Variants in SLCO1B1 observed in about 807,000 individuals in gnomAD.
SLCO1B1 encodes OATP-2.
In SLCO1B1, 81 loss-of-function variants were observed where a neutral mutation model predicts 70.1. The ratio of observed to expected loss-of-function variants is 1.16; its 90% CI spans 0.97 to 1.39. The LOEUF (loss-of-function observed/expected upper bound fraction) is 1.39, where lower values mean the gene tolerates loss of function less well. Ranked by LOEUF, SLCO1B1 falls within the 40% of genes most tolerant of loss-of-function variation. The pLI is 0.00. For missense variants in SLCO1B1, 895 were observed against 799.6 expected (o/e 1.12, Z -1.44); for synonymous variants, 283 against 271.5 (o/e 1.04, Z -0.42).
At chr12:21,217,054 A>T (rs1475726165) in intron 11 of SLCO1B1, 65 bp from the exon 12 acceptor site, 2 of 1,165,130 alleles carry the variant, frequency 1.7e-6, no homozygotes, top group South Asian at 1.2e-5. Context: ...ATATAATGCA[A>T]TGTATTTGCA....
chr12:21,198,568 C>A (rs1302245623), intron 8 of SLCO1B1, among the ~76,000 whole-genome samples: 1 of 151,996 alleles, frequency 6.6e-6, no homozygotes, highest in Non-Finnish European at 1.5e-5. Context: ...CTATTATGAA[C>A]AGTTTTTGTA....
rs9669760 is a variant in SLCO1B1, at chr12:21,214,318, G to A, written c.1498-2801G>A. ...AGCTGCAGGTCTGTTGGAATACCCT[G>A]CCGTGTGAGGTGTCAGTGTGCCCCT... On this transcript the variant is annotated intron_variant, in intron 11 of 14. Coordinates refer to ENST00000256958, the MANE Select transcript of SLCO1B1 (RefSeq NM_006446.5). Among the ~76,000 whole-genome samples the A allele has an allele frequency of 4.4e-3, 660 of 148,886 alleles. 3 individuals carry two copies. Among genetic ancestry groups the A allele is most frequent in the African/African-American group, 0.016 (617 of 38,450 alleles).
chr12:21,150,650 C>T (rs1041823326), intron 2 of SLCO1B1, among the ~76,000 whole-genome samples: 1 of 152,122 alleles, frequency 6.6e-6, no homozygotes, highest in Non-Finnish European at 1.5e-5. Context: ...ATAGCATCAA[C>T]ATCAACAAAA....
chr12:21,138,595 T>G (rs1452436679), intron 1 of SLCO1B1, among the ~76,000 whole-genome samples: 1 of 152,126 alleles, frequency 6.6e-6, no homozygotes, highest in Non-Finnish European at 1.5e-5. Context: ...ATATTTTATC[T>G]GAAGATCTAG....
chr12:21,217,568 G>A (rs973624735), intron 12 of SLCO1B1, among the ~76,000 whole-genome samples: 1 of 152,184 alleles, frequency 6.6e-6, no homozygotes, highest in South Asian at 2.1e-4. Context: ...AATTCTCTCA[G>A]TTGTAAAAGA....
chr12:21,148,767 A>G (rs1940425334), intron 2 of SLCO1B1, among the ~76,000 whole-genome samples: 1 of 149,608 alleles, frequency 6.7e-6, no homozygotes, highest in Admixed American at 6.7e-5. Flanking sequence ...ATGAAAGTCA[A>G]TGGTAGCTTG....
Position 21,202,625 on chromosome 12 carries a change from T to G in SLCO1B1, c.1270T>G (p.Leu424Val), listed in dbSNP as rs1941171614. ...TAVMSLSFYL[L>V]YFFILCENKS... ...TGTGATGTCATTGTCCTTTTACCTA[T>G]TATATTTTTTCATACTCTGTGAAAA... The change falls in exon 10 of 15, where the codon TTA becomes GTA. Residue 424 changes from leucine to valine, a missense_variant. Physicochemically the swap from Leu to Val is conservative, Grantham distance 32. Transcript: ENST00000256958. 2 of 1,613,036 alleles carry G rather than the reference T, an allele frequency of 1.2e-6. No individual in the cohort carries two copies. Among genetic ancestry groups the G allele is most frequent in the African/African-American group, 2.7e-5 (2 of 75,010 alleles).
chr12:21,142,264 A>G (rs917734866), intron 2 of SLCO1B1, among the ~76,000 whole-genome samples: 2 of 151,970 alleles, frequency 1.3e-5, no homozygotes, highest in African/African-American at 4.8e-5. Context: ...ACTGTATTAA[A>G]TGATACAGTT....
At position 21,239,272 on chromosome 12, in the gene SLCO1B1, C is replaced by T; in HGVS notation, c.*83C>T. 2 of 959,176 alleles carry T rather than the reference C, an allele frequency of 2.1e-6. No individual in the cohort carries two copies. Among genetic ancestry groups the T allele is most frequent in the Admixed American group, 3.4e-5 (2 of 58,042 alleles). The allele number at this position is 959,176 out of a possible 1,614,324, so 59.4% of individuals were successfully genotyped here. A position where few individuals can be genotyped will look rare whatever the true frequency, so the allele number is the denominator to read the frequency against. On this transcript the variant is annotated 3_prime_UTR_variant, in exon 15 of 15. Transcript: ENST00000256958. ...GTAAGATGTTATTTTTGAGGAGTTC[C>T]TGGTCCTTTCACTAAGAATTTCCAC...
At chr12:21,187,678 A>AC (rs397783906) in intron 7 of SLCO1B1, among the ~76,000 whole-genome samples, 4 of 151,216 alleles carry the variant, frequency 2.6e-5, no homozygotes, top group African/African-American at 7.3e-5. Flanking sequence ...GAAAAAAAAA[A>AC]GTGAAAGTCA....
intron 2 of SLCO1B1, among the ~76,000 whole-genome samples, chr12:21,152,256 C>T (rs1940480486): frequency 6.6e-6 from 1 of 151,958 alleles, no homozygotes; most frequent in African/African-American, 2.4e-5. Context: ...TGTCTGCTTA[C>T]ATTGCTCTGT....
At chr12:21,231,937 T>C (rs1270141392) in intron 14 of SLCO1B1, among the ~76,000 whole-genome samples, 2 of 152,124 alleles carry the variant, frequency 1.3e-5, no homozygotes, top group African/African-American at 2.4e-5. Context: ...TCTTTAGAAA[T>C]AGTAATCTCC....
chr12:21,224,798 C>CATG lies in SLCO1B1; in HGVS notation c.1825_1826insTGA (p.Gly608_Thr609insMet). 1.2e-6 allele frequency: 2 copies of CATG among 1,610,254 alleles called. No homozygotes were observed. Among genetic ancestry groups the CATG allele is most frequent in the Non-Finnish European group, 1.7e-6 (2 of 1,177,402 alleles). On this transcript the variant is annotated inframe_insertion, in exon 14 of 15. Transcript: ENST00000256958. ...TAAAGTGGTCCACCAACAACTGTGG[C>CATG]ACACGTGGGTCATGTAGGACATATA...
chr12:21,143,159 T>C (rs932929147), intron 2 of SLCO1B1, among the ~76,000 whole-genome samples: 2 of 152,112 alleles, frequency 1.3e-5, no homozygotes, highest in Non-Finnish European at 2.9e-5. Flanking sequence ...TAGTTGAGGT[T>C]TGTTGCATTT....
At chr12:21,179,819 C>T (rs1233899736) in intron 7 of SLCO1B1, among the ~76,000 whole-genome samples, 2 of 152,210 alleles carry the variant, frequency 1.3e-5, no homozygotes, top group East Asian at 3.9e-4. Context: ...AGCAAACACA[C>T]CCAAGTATTT....
At chr12:21,197,604 G>C (rs1027617021) in intron 8 of SLCO1B1, among the ~76,000 whole-genome samples, 1 of 152,062 alleles carries the variant, frequency 6.6e-6, no homozygotes, top group African/African-American at 2.4e-5. Context: ...CAAGAACCTA[G>C]TGGGTGATGC....
rs61760249 is a variant in SLCO1B1 at position 21,239,764 on chromosome 12, G to T, written c.*575G>T. 6.6e-6 allele frequency among the ~76,000 whole-genome samples: 1 copy of T among 152,144 alleles called. No homozygotes were observed. Among genetic ancestry groups the T allele is most frequent in the African/African-American group, 2.4e-5 (1 of 41,450 alleles). On this transcript the variant is annotated 3_prime_UTR_variant, in exon 15 of 15. Transcript: ENST00000256958. ...TAAATTTAGAATACATTTAAGTATT[G>T]TGGAAGAAATAAAGACATTCCAATA...
chr12:21,209,897 G>C (rs1487565358), intron 11 of SLCO1B1, among the ~76,000 whole-genome samples: 2 of 152,072 alleles, frequency 1.3e-5, no homozygotes, highest in Non-Finnish European at 2.9e-5. Flanking sequence ...CCCACTTTTT[G>C]ATGGGGTTTT....
chr12:21,135,188 G>A (rs1940200233), intron 1 of SLCO1B1, among the ~76,000 whole-genome samples: 1 of 152,176 alleles, frequency 6.6e-6, no homozygotes, highest in East Asian at 1.9e-4. Flanking sequence ...ATTGCGCTGT[G>A]GTCTGAGAAA....
Sources: allele counts gnomAD v4.1 joint callset (sites outside exome capture counted in the v4.1 genomes callset), GRCh38; gene constraint gnomAD v4.1.1; transcripts MANE v1.5; gene names NCBI Gene and HGNC (gene_info 2026-07-23, HGNC 2026-07-21).